Variants in MPDZ observed in about 807,000 individuals in gnomAD.
The protein encoded by MPDZ is multiple PDZ domain crumbs cell polarity complex component, also known as multiple PDZ domain protein.
A neutral mutation model predicts 239.1 loss-of-function variants in MPDZ; 234 were observed. That is an observed-to-expected ratio of 0.98 (90% confidence interval 0.88 to 1.09). The LOEUF (loss-of-function observed/expected upper bound fraction) is 1.09, where lower values mean the gene tolerates loss of function less well. Among genes scored for constraint, MPDZ ranks in the 50% least tolerant of loss-of-function variants. The probability of loss-of-function intolerance (pLI) is 0.00; values close to 1 mark genes in which losing one functional copy is unlikely to be tolerated. For missense variants in MPDZ, 3,175 were observed against 2,510.0 expected, an observed-to-expected ratio of 1.26 and a Z score of -5.66; for synonymous variants, 1,048 against 881.3, an observed-to-expected ratio of 1.19 and a Z score of -3.35.
intron 32 of MPDZ, among the ~76,000 whole-genome samples, chr9:13,132,236 CT>C (rs1946103382): frequency 6.6e-6 from 1 of 152,172 alleles, no homozygotes; most frequent in South Asian, 2.1e-4. Context: ...ATGAAGGAAC[CT>C]TGCTCATTAG....
intron 17 of MPDZ, among the ~76,000 whole-genome samples, chr9:13,187,666 T>C (rs1468259653): frequency 6.6e-6 from 1 of 152,216 alleles, no homozygotes; most frequent in East Asian, 1.9e-4. Flanking sequence ...TAAAATACAT[T>C]AACAAAGCTT....
At position 13,193,191 on chromosome 9, in the gene MPDZ, G is replaced by GCTCGTCTCCAC. The variant is rs1955182199; in HGVS notation, c.1778_1779insGTGGAGACGAG (p.Phe594TrpfsTer13). On this transcript the variant is annotated frameshift_variant, in exon 14 of 47. Transcript: ENST00000319217. LOFTEE classifies it high-confidence loss of function. ...CTTCCAATAGCTCGTCTCCACTGAA[G>GCTCGTCTCCAC]AGCTTCCCGCTGTGTCCAACAGGAC... 4 of 1,592,790 alleles carry GCTCGTCTCCAC rather than the reference G, an allele frequency of 2.5e-6. No individual in the cohort carries two copies. Among genetic ancestry groups the GCTCGTCTCCAC allele is most frequent in the Non-Finnish European group, 3.4e-6 (4 of 1,168,220 alleles).
At chr9:13,127,467 A>C (rs1945288859) in intron 32 of MPDZ, among the ~76,000 whole-genome samples, 1 of 152,238 alleles carries the variant, frequency 6.6e-6, no homozygotes, top group Admixed American at 6.5e-5. Context: ...TGTTTACTTT[A>C]ATAAAATTAA....
intron 1 of MPDZ, among the ~76,000 whole-genome samples, chr9:13,255,041 T>C (rs10960984): frequency 1.3e-5 from 2 of 152,196 alleles, no homozygotes; most frequent in African/African-American, 4.8e-5. Flanking sequence ...ACCTCTCAAA[T>C]CCTGCTCCTA....
intron 23 of MPDZ, among the ~76,000 whole-genome samples, chr9:13,161,573 CA>C (rs533435805): frequency 4.1e-5 from 6 of 146,774 alleles, no homozygotes; most frequent in Admixed American, 6.8e-5. Context: ...AACTCCGTCT[CA>C]AAAAAAAAAG....
At chr9:13,109,887 C>T (rs1942137739) in intron 45 of MPDZ, 65 bp downstream of exon 45, 5 of 1,276,032 alleles carry the variant, frequency 3.9e-6, no homozygotes, top group African/African-American at 1.5e-5. Flanking sequence ...ACAGAGAACG[C>T]AACTGTCAGG....
chr9:13,217,844 CTCATAATTCA>C (rs1958555985), intron 8 of MPDZ, among the ~76,000 whole-genome samples: 3 of 151,740 alleles, frequency 2.0e-5, no homozygotes, highest in Admixed American at 1.3e-4. Context: ...CTCATAATTC[CTCATAATTCA>C]GCATCCTGAA....
At chr9:13,278,329 C>T (rs570914817) in intron 1 of MPDZ, among the ~76,000 whole-genome samples, 1 of 152,144 alleles carries the variant, frequency 6.6e-6, no homozygotes, top group South Asian at 2.1e-4. Flanking sequence ...TCTTCCCAAG[C>T]GGAGCACCTC....
At chr9:13,263,589 T>C (rs879618304) in intron 1 of MPDZ, among the ~76,000 whole-genome samples, 22 of 152,208 alleles carry the variant, frequency 1.4e-4, no homozygotes, top group Non-Finnish European at 2.4e-4. Context: ...TCAGTTTTAC[T>C]ATTAAAAACG....
intron 3 of MPDZ, among the ~76,000 whole-genome samples, chr9:13,243,360 T>A (rs1046687425): frequency 2.0e-5 from 3 of 151,312 alleles, no homozygotes; most frequent in Non-Finnish European, 2.9e-5. Context: ...TTCAGTTCTA[T>A]CTCTTTTTTT....
At chr9:13,236,858 C>G (rs970671924) in intron 3 of MPDZ, among the ~76,000 whole-genome samples, 1 of 148,198 alleles carries the variant, frequency 6.7e-6, no homozygotes, top group Non-Finnish European at 1.5e-5. Context: ...GGATGTTTTA[C>G]CTCTCCCCTG....
intron 7 of MPDZ, among the ~76,000 whole-genome samples, chr9:13,220,381 C>T (rs1958952185): frequency 6.6e-6 from 1 of 151,942 alleles, no homozygotes; most frequent in Non-Finnish European, 1.5e-5. Context: ...ACAATAGCTA[C>T]GGAGATCTTG....
At position 13,248,976 on chromosome 9, in the gene MPDZ, C is replaced by CAAAAA. The variant is rs71331534; in HGVS notation, c.17-1180_17-1176dup. Among the ~76,000 whole-genome samples the CAAAAA allele has an allele frequency of 2.0e-3, 73 of 35,822 alleles. 8 individuals carry two copies. The highest frequency in any genetic ancestry group is 5.2e-3 in the African/African-American group (59 of 11,410). The allele number at this position is 35,822 out of a possible 152,430, so 23.5% of individuals were successfully genotyped here. A position where few individuals can be genotyped will look rare whatever the true frequency, so the allele number is the denominator to read the frequency against. ...CGACAGAGTGAGTGAGACTCCATCTCAAAAAAAAAAAAAAAAAAAAAAAAA... is the reference window on the plus strand; with the variant it reads ...CGACAGAGTGAGTGAGACTCCATCTCAAAAAAAAAAAAAAAAAAAAAAAAAAAAAA... On this transcript the variant is annotated intron_variant, in intron 2 of 46. Transcript: ENST00000319217.
At chr9:13,166,882 T>G (rs1163354520) in intron 22 of MPDZ, among the ~76,000 whole-genome samples, 1 of 152,158 alleles carries the variant, frequency 6.6e-6, no homozygotes, top group African/African-American at 2.4e-5. Flanking sequence ...GCATGACTTA[T>G]GCCAAACTGG....
At chr9:13,113,803 G>A (rs762511881) in intron 41 of MPDZ, 128 bp downstream of exon 41, 86 of 705,470 alleles carry the variant, frequency 1.2e-4, no homozygotes, top group Non-Finnish European at 1.7e-4. Context: ...TTGCTAACAC[G>A]TGTTTTTGTA....
chr9:13,242,669 A>T (rs1965712662), intron 3 of MPDZ, among the ~76,000 whole-genome samples: 1 of 152,160 alleles, frequency 6.6e-6, no homozygotes, highest in Non-Finnish European at 1.5e-5. Context: ...CATCTTACTT[A>T]AAAAGGTTCT....
chr9:13,211,540 G>A (rs759799945), intron 10 of MPDZ, among the ~76,000 whole-genome samples: 1 of 152,098 alleles, frequency 6.6e-6, no homozygotes, highest in East Asian at 1.9e-4. Flanking sequence ...ACAAGATACA[G>A]TGCTGAGCAA....
At chr9:13,111,747 TTC>T (rs1390099621) in intron 43 of MPDZ, among the ~76,000 whole-genome samples, 2 of 152,236 alleles carry the variant, frequency 1.3e-5, no homozygotes, top group Non-Finnish European at 2.9e-5. Flanking sequence ...ATACTTTCTG[TTC>T]TCTTTTAGCT....
chr9:13,138,156 A>G lies in MPDZ; in HGVS notation c.4004-3T>C, dbSNP rs1201422916. 1 of 1,562,432 alleles carries G rather than the reference A, an allele frequency of 6.4e-7. No individual in the cohort carries two copies. The highest frequency in any genetic ancestry group is 8.7e-7 in the Non-Finnish European group (1 of 1,154,762). ...TCCATAACGCTCTCTGATATTTTCT[A>G]CATACAACAACAACAACAAATACAT... On this transcript the variant is annotated splice_region_variant and splice_polypyrimidine_tract_variant and intron_variant, in intron 28 of 46. Coordinates refer to ENST00000319217, the MANE Select transcript of MPDZ (RefSeq NM_001378778.1).
Sources: allele counts gnomAD v4.1 joint callset (sites outside exome capture counted in the v4.1 genomes callset), GRCh38; gene constraint gnomAD v4.1.1; transcripts MANE v1.5; gene names NCBI Gene and HGNC (gene_info 2026-07-23, HGNC 2026-07-21).